METTL22: variants seen among roughly 807,000 people sequenced by gnomAD.
METTL22 encodes the protein methyltransferase 22, Kin17 lysine.
A neutral mutation model predicts 48.4 loss-of-function variants in METTL22; 51 were observed. The ratio of observed to expected loss-of-function variants is 1.05; its 90% CI spans 0.84 to 1.33. The LOEUF (loss-of-function observed/expected upper bound fraction) is 1.33, where lower values mean the gene tolerates loss of function less well. Ranked by LOEUF, METTL22 falls within the 40% of genes most tolerant of loss-of-function variation. METTL22 has a pLI of 0.00. For missense variants in METTL22, 678 were observed against 526.9 expected (o/e 1.29, Z -2.81); for synonymous variants, 255 against 214.1 (o/e 1.19, Z -1.67).
chr16:8,656,605 G>GA, the METTL22 span, among the ~76,000 whole-genome samples: 1 of 152,250 alleles, frequency 6.6e-6, no homozygotes, highest in African/African-American at 2.4e-5. Context: ...ACCTCAGCAG[G>GA]AGAGCAGCCA....
At chr16:8,632,837 C>G (rs2056307330) in intron 3 of METTL22, among the ~76,000 whole-genome samples, 2 of 152,156 alleles carry the variant, frequency 1.3e-5, no homozygotes, top group South Asian at 4.1e-4. Context: ...CCTCAGAGTC[C>G]TCATTCTCCC....
chr16:8,630,913 A>G (rs1389644458), intron 3 of METTL22, among the ~76,000 whole-genome samples: 3 of 152,178 alleles, frequency 2.0e-5, no homozygotes, highest in African/African-American at 7.2e-5. Context: ...GCAAAACTTG[A>G]TCTAATCCTG....
At chr16:8,650,286 T>G (rs1419736400), downstream of METTL22, among the ~76,000 whole-genome samples, 1 of 152,206 alleles carries the variant, frequency 6.6e-6, no homozygotes, top group Non-Finnish European at 1.5e-5. Flanking sequence ...ATTGTGCCAC[T>G]GCACTACACC....
At chr16:8,635,843 T>G (rs2056407436) in intron 5 of METTL22, among the ~76,000 whole-genome samples, 1 of 152,230 alleles carries the variant, frequency 6.6e-6, no homozygotes, top group Non-Finnish European at 1.5e-5. Flanking sequence ...TGGAGCTGAC[T>G]AGGCACTGCC....
intron 5 of METTL22, 152 bp from the exon 6 acceptor site, chr16:8,638,939 G>C (rs758616366): frequency 1.4e-6 from 1 of 700,272 alleles, no homozygotes; most frequent in African/African-American, 1.8e-5. Context: ...CTTAAGGTGA[G>C]GGTATTTAAT....
chr16:8,650,895 G>A (rs7188883), downstream of METTL22, among the ~76,000 whole-genome samples: 150,382 of 152,282 alleles, frequency 0.99, 74,288 homozygotes, highest in Middle Eastern at 1. Flanking sequence ...GCATGGTGGC[G>A]TGCCTGTAAT....
At chr16:8,627,927 A>G (rs7184329) in intron 2 of METTL22, among the ~76,000 whole-genome samples, 1,902 of 152,198 alleles carry the variant, frequency 0.012, 46 homozygotes, top group African/African-American at 0.044. Flanking sequence ...TTTTGTAGAG[A>G]AGGGGATTTA....
At chr16:8,644,867 C>A in intron 10 of METTL22, 142 bp downstream of exon 10, 1 of 873,378 alleles carries the variant, frequency 1.1e-6, no homozygotes. Flanking sequence ...TGCCTGGCAC[C>A]ATCTGTAGTG....
the METTL22 span, among the ~76,000 whole-genome samples, chr16:8,664,766 T>A: frequency 6.6e-6 from 1 of 152,178 alleles, no homozygotes; most frequent in Non-Finnish European, 1.5e-5. Context: ...TAGCCCACTC[T>A]AAAGCTCTTT....
At chr16:8,633,337 A>C (rs1382548912) in intron 3 of METTL22, among the ~76,000 whole-genome samples, 3 of 152,112 alleles carry the variant, frequency 2.0e-5, no homozygotes, top group African/African-American at 4.8e-5. Context: ...ACGGTGGCTC[A>C]CACCTATGAT....
chr16:8,630,151 G>A (rs1169385500), intron 3 of METTL22, among the ~76,000 whole-genome samples: 2 of 151,788 alleles, frequency 1.3e-5, no homozygotes, highest in African/African-American at 2.4e-5. Flanking sequence ...GGGGTCAGTG[G>A]GTCACTCTCA....
At chr16:8,645,195 C>A (rs1346089945) in intron 10 of METTL22, among the ~76,000 whole-genome samples, 1 of 152,218 alleles carries the variant, frequency 6.6e-6, no homozygotes, top group Non-Finnish European at 1.5e-5. Context: ...GAATTAACTT[C>A]TTTTGTTCTG....
intron 2 of METTL22, among the ~76,000 whole-genome samples, chr16:8,626,183 G>A (rs75145780): frequency 6.6e-6 from 1 of 152,046 alleles, no homozygotes; most frequent in Non-Finnish European, 1.5e-5. Context: ...TGTAGAGCTG[G>A]AGTCTTGCTA....
rs2056824918 is a variant in METTL22 at position 8,647,478 on chromosome 16, CA to C, written c.*1336del. 1 of 152,198 alleles carries C rather than the reference CA, an allele frequency of 6.6e-6. No homozygotes were observed. The highest frequency in any genetic ancestry group is 2.4e-5 in the African/African-American group (1 of 41,428). 9.4% of individuals were successfully genotyped at this position (152,198 alleles called of 1,614,324 possible). On this transcript the variant is annotated 3_prime_UTR_variant, in exon 11 of 11. Coordinates refer to ENST00000381920, the MANE Select transcript of METTL22 (RefSeq NM_024109.4). The stretch of plus-strand genomic sequence containing the variant: ...TCCTATTTGTGAGTGATTTTGCCTC[CA>C]GGAACATTTGGCAGTGCCTGGAGAC...
At chr16:8,643,833 C>CA (rs2056698632) in intron 9 of METTL22, among the ~76,000 whole-genome samples, 1 of 152,152 alleles carries the variant, frequency 6.6e-6, no homozygotes, top group African/African-American at 2.4e-5. Flanking sequence ...AGGCTGGTCT[C>CA]AAACTCCTGA....
At position 8,628,723 on chromosome 16, in the gene METTL22, C is replaced by T. The variant is rs751065758; in HGVS notation, c.134-7C>T. The T allele has an allele frequency of 1.3e-6, 2 of 1,595,996 alleles. No individual in the cohort carries two copies. The highest frequency in any genetic ancestry group is 1.7e-6 in the Non-Finnish European group (2 of 1,170,212). Reference sequence around the variant, plus strand: ...ATTCTCATTTTGCGTTCTGTCTTGCCTTTCAGTTTTCCTGTCCCAATTCAA... The same window carrying T: ...ATTCTCATTTTGCGTTCTGTCTTGCTTTTCAGTTTTCCTGTCCCAATTCAA... On this transcript the variant is annotated splice_region_variant and splice_polypyrimidine_tract_variant and intron_variant, in intron 2 of 10. Transcript: ENST00000381920.
the METTL22 span, among the ~76,000 whole-genome samples, chr16:8,666,438 C>G: frequency 6.6e-6 from 1 of 152,182 alleles, no homozygotes; most frequent in South Asian, 2.1e-4. Context: ...GTCTCAGAAT[C>G]TATTTCTAGG....
At position 8,625,559 on chromosome 16, in the gene METTL22, T is replaced by C; in HGVS notation, c.-107T>C. 1 of 1,096,626 alleles carries C rather than the reference T, an allele frequency of 9.1e-7. No individual in the cohort carries two copies. The highest frequency in any genetic ancestry group is 1.3e-6 in the Non-Finnish European group (1 of 780,674). 67.9% of individuals were successfully genotyped at this position (1,096,626 alleles called of 1,614,324 possible). ...CCCAGGGCGATGCAAAGCTACTCGC[T>C]ACCAGCTTGGACCTGTCTGCAGTAT... is the stretch of plus-strand genomic sequence containing the variant. On this transcript the variant is annotated 5_prime_UTR_variant, in exon 2 of 11. Coordinates refer to ENST00000381920, the MANE Select transcript of METTL22 (RefSeq NM_024109.4).
the METTL22 span, among the ~76,000 whole-genome samples, chr16:8,664,443 C>A: frequency 6.6e-6 from 1 of 151,808 alleles, no homozygotes; most frequent in African/African-American, 2.4e-5. Flanking sequence ...CCACGCCCAG[C>A]CTACATTTTA....
Sources: allele counts gnomAD v4.1 joint callset (sites outside exome capture counted in the v4.1 genomes callset), GRCh38; gene constraint gnomAD v4.1.1; transcripts MANE v1.5; gene names NCBI Gene and HGNC (gene_info 2026-07-23, HGNC 2026-07-21).